The following NUSAP1 variants were observed in gnomAD, a reference collection of about 807,000 sequenced individuals.
NUSAP1 encodes nucleolar and spindle associated protein 1.
A neutral mutation model predicts 52.8 loss-of-function variants in NUSAP1; 32 were observed. The ratio of observed to expected loss-of-function variants is 0.61; its 90% CI spans 0.46 to 0.81. The LOEUF (loss-of-function observed/expected upper bound fraction) is 0.81. NUSAP1 is among the 40% of genes least tolerant of loss of function. The pLI is 0.00. For missense variants in NUSAP1, 499 were observed against 522.3 expected (o/e 0.96, Z 0.43); for synonymous variants, 195 against 183.1 (o/e 1.06, Z -0.52).
rs554880388 is a variant in NUSAP1, at chr15:41,380,924, A to G, written c.*738A>G. On this transcript the variant is annotated 3_prime_UTR_variant, in exon 11 of 11. Transcript: ENST00000559596. Reference sequence around the variant, plus strand: ...TCAAACTCCACCAAATGTACTTCTTATTCATTTTATGGAAAAGACTAGGCT... The same window carrying G: ...TCAAACTCCACCAAATGTACTTCTTGTTCATTTTATGGAAAAGACTAGGCT... 1 of 152,296 alleles carries G rather than the reference A, an allele frequency of 6.6e-6. No homozygotes were observed. Among genetic ancestry groups the G allele is most frequent in the Non-Finnish European group, 1.5e-5 (1 of 68,024 alleles). 9.4% of individuals were successfully genotyped at this position (152,296 alleles called of 1,614,324 possible). A position where few individuals can be genotyped will look rare whatever the true frequency, so the allele number is the denominator to read the frequency against.
intron 4 of NUSAP1, among the ~76,000 whole-genome samples, chr15:41,351,382 T>C (rs1274556863): frequency 1.3e-5 from 2 of 152,188 alleles, no homozygotes; most frequent in African/African-American, 2.4e-5. Flanking sequence ...CTGTCGACGC[T>C]TGGTGTTCCT....
chr15:41,352,822 G>T (rs1330657816), intron 4 of NUSAP1, among the ~76,000 whole-genome samples: 7 of 152,060 alleles, frequency 4.6e-5, no homozygotes, highest in African/African-American at 1.7e-4. Flanking sequence ...CTCCTAAAGT[G>T]CTGGGATTAC....
chr15:41,338,988 C>T (rs149543440), intron 1 of NUSAP1, among the ~76,000 whole-genome samples: 172 of 151,858 alleles, frequency 1.1e-3, no homozygotes, highest in African/African-American at 3.8e-3. Context: ...AAACTTAGAA[C>T]GTGTCTTTCT....
chr15:41,377,466 G>A (rs879847887), intron 10 of NUSAP1, among the ~76,000 whole-genome samples, 162 bp downstream of exon 10: 1 of 152,074 alleles, frequency 6.6e-6, no homozygotes. Flanking sequence ...TTGGGAGGCC[G>A]AGGTGGGCGG....
chr15:41,377,607 G>T lies in NUSAP1; in HGVS notation c.1232+303G>T, dbSNP rs2050003243. On this transcript the variant is annotated intron_variant, in intron 10 of 10. Transcript: ENST00000559596. ...CCAGCTACTCGGGAGGCTGAGGCAGGAGAATGGCGTGAACCCAGGAGGCAG... is the reference window on the plus strand; with the variant it reads ...CCAGCTACTCGGGAGGCTGAGGCAGTAGAATGGCGTGAACCCAGGAGGCAG... 2.0e-5 allele frequency among the ~76,000 whole-genome samples: 3 copies of T among 151,354 alleles called. No homozygotes were observed. In the South Asian group the frequency reaches 6.3e-4, roughly 32 times the overall value.
At chr15:41,336,648 G>GTTTTGTTTTTT (rs2048146823) in intron 1 of NUSAP1, among the ~76,000 whole-genome samples, 1 of 91,372 alleles carries the variant, frequency 1.1e-5, no homozygotes, top group African/African-American at 4.0e-5. Context: ...CCTCCTTTTG[G>GTTTTGTTTTTT]TTTTTTTTTT....
Position 41,349,139 on chromosome 15 carries a change from G to A in NUSAP1, c.204G>A (p.Glu68=), listed in dbSNP as rs1450339908. ...QTSASSCDET[E]IQISNQEEAE... is the part of the protein sequence containing the mutation. ...CTGCATCCTCTTGTGATGAGACTGA[G>A]ATACAGATCAGCAACCAGGAAGAAG... The change falls in exon 3 of 11, where the codon GAG becomes GAA. Residue 68 remains glutamate (E), a synonymous_variant. Coordinates refer to ENST00000559596, the MANE Select transcript of NUSAP1 (RefSeq NM_016359.5). The A allele has an allele frequency of 1.2e-6, 2 of 1,613,914 alleles. No individual in the cohort carries two copies. The highest frequency in any genetic ancestry group is 1.7e-6 in the Non-Finnish European group (2 of 1,179,838).
At chr15:41,349,769 T>C (rs1267690920) in intron 3 of NUSAP1, among the ~76,000 whole-genome samples, 1 of 147,882 alleles carries the variant, frequency 6.8e-6, no homozygotes, top group Non-Finnish European at 1.5e-5. Context: ...TTCTTTTCTT[T>C]TTTTTTTTTT....
intron 10 of NUSAP1, among the ~76,000 whole-genome samples, chr15:41,378,301 A>G (rs1389712461): frequency 6.6e-6 from 1 of 152,178 alleles, no homozygotes; most frequent in Non-Finnish European, 1.5e-5. Flanking sequence ...TCAAGGCCCT[A>G]TAAAGAGGAA....
chr15:41,358,035 T>C (rs957225135), intron 5 of NUSAP1, 114 bp from the exon 6 acceptor site: 3 of 514,520 alleles, frequency 5.8e-6, no homozygotes, highest in African/African-American at 2.0e-5. Context: ...AAAAATTATA[T>C]TGAAGTTGAA....
Position 41,365,605 on chromosome 15 carries a change from C to A in NUSAP1, c.848+16C>A. On this transcript the variant is annotated intron_variant, in intron 7 of 10. Coordinates refer to ENST00000559596, the MANE Select transcript of NUSAP1 (RefSeq NM_016359.5). ...CGGGTGTCAGGTAAAGAAATCACTC[C>A]AAAATGTAATCATGAACAAGATTTC... 1 of 1,568,488 alleles carries A rather than the reference C, an allele frequency of 6.4e-7. No homozygotes were observed. Among genetic ancestry groups the A allele is most frequent in the Non-Finnish European group, 8.7e-7 (1 of 1,153,692 alleles).
intron 2 of NUSAP1, among the ~76,000 whole-genome samples, chr15:41,347,133 C>G (rs2048606282): frequency 6.6e-6 from 1 of 151,860 alleles, no homozygotes; most frequent in African/African-American, 2.4e-5. Context: ...GATTATAGCA[C>G]TGCACTCCAG....
Position 41,375,819 on chromosome 15 carries a change from C to G in NUSAP1, c.1114C>G (p.Pro372Ala). 1 of 1,606,286 alleles carries G rather than the reference C, an allele frequency of 6.2e-7. No homozygotes were observed. The highest frequency in any genetic ancestry group is 8.5e-7 in the Non-Finnish European group (1 of 1,172,928). The change falls in exon 9 of 11, where the codon CCA becomes GCA. Residue 372 changes from proline to alanine, a missense_variant. Pro to Ala is a conservative substitution (Grantham distance 27). Coordinates refer to ENST00000559596, the MANE Select transcript of NUSAP1 (RefSeq NM_016359.5). Reference protein sequence around the residue: ...ASLSRPLNYEPHKGKLKPWGQ... With the variant: ...ASLSRPLNYEAHKGKLKPWGQ... Reference sequence around the variant, plus strand: ...TTTGTCTCGTCCCCTCAACTATGAACCACACAAAGGTATGTGGGAGTGTTT... The same window carrying G: ...TTTGTCTCGTCCCCTCAACTATGAAGCACACAAAGGTATGTGGGAGTGTTT...
In NUSAP1 at chr15:41,351,084, TCTC is replaced by T. The variant is rs745563327; in HGVS notation, c.405_407del (p.Pro137del). ...TCTCAGAGCTACTGCAAAAGTTCCT[TCTC>T]CACCAGACGAGCACCAAGAAGCTGA... On this transcript the variant is annotated inframe_deletion, in exon 4 of 11. Transcript: ENST00000559596. 2 of 1,613,746 alleles carry T rather than the reference TCTC, an allele frequency of 1.2e-6. No individual in the cohort carries two copies. The highest frequency in any genetic ancestry group is 1.7e-5 in the Admixed American group (1 of 59,988).
At chr15:41,363,107 C>T (rs1595577978) in intron 6 of NUSAP1, among the ~76,000 whole-genome samples, 1 of 151,902 alleles carries the variant, frequency 6.6e-6, no homozygotes, top group African/African-American at 2.4e-5. Flanking sequence ...CCCAACATGG[C>T]GAAACCCCGT....
intron 6 of NUSAP1, among the ~76,000 whole-genome samples, chr15:41,363,597 T>A (rs2049273532): frequency 6.6e-6 from 1 of 152,074 alleles, no homozygotes; most frequent in African/African-American, 2.4e-5. Context: ...GGTCTCAAAC[T>A]CCTAGGCTCA....
intron 2 of NUSAP1, among the ~76,000 whole-genome samples, chr15:41,348,585 G>T (rs936042864): frequency 6.6e-6 from 1 of 151,994 alleles, no homozygotes; most frequent in Admixed American, 6.6e-5. Context: ...TATTAATTTG[G>T]GTTGCTAAGT....
chr15:41,374,019 C>T (rs1272145688), intron 8 of NUSAP1, among the ~76,000 whole-genome samples: 1 of 152,152 alleles, frequency 6.6e-6, no homozygotes, highest in Non-Finnish European at 1.5e-5. Flanking sequence ...GAAACCCCGT[C>T]TCTACTAAAA....
chr15:41,379,999 G>A, intron 10 of NUSAP1, 94 bp from the exon 11 acceptor site: 1 of 824,894 alleles, frequency 1.2e-6, no homozygotes, highest in Non-Finnish European at 2.0e-6. Context: ...GGATGTCATT[G>A]CTTGGAAGTT....
Sources: gnomAD v4.1 joint callset for allele counts (sites outside exome capture counted in the v4.1 genomes callset) on GRCh38, gnomAD v4.1.1 for gene constraint, MANE v1.5 for transcripts, NCBI Gene and HGNC (gene_info 2026-07-23, HGNC 2026-07-21) for gene names.